ARHGAP22: variants seen among roughly 807,000 people sequenced by gnomAD.
ARHGAP22 encodes the protein Rho GTPase activating protein 22.
ARHGAP22 carries 48 observed loss-of-function variants against 59.1 expected under a neutral mutation model. The ratio of observed to expected loss-of-function variants is 0.81; its 90% CI spans 0.64 to 1.03. The LOEUF is 1.03. Among genes scored for constraint, ARHGAP22 ranks in the 50% least tolerant of loss-of-function variants. The pLI, the probability that ARHGAP22 is intolerant of heterozygous loss-of-function variation, is 0.00. For synonymous variants in ARHGAP22, 445 were observed against 416.4 expected (o/e 1.07, Z -0.84); for missense variants, 1,015 against 958.7 (o/e 1.06, Z -0.78).
intron 1 of ARHGAP22, among the ~76,000 whole-genome samples, chr10:48,621,759 GTTA>G (rs746134464): frequency 6.6e-6 from 1 of 152,200 alleles, no homozygotes; most frequent in Non-Finnish European, 1.5e-5. Context: ...GAAATTTCCA[GTTA>G]TTATTGTTGC....
At chr10:48,472,149 G>A (rs1232540943) in intron 4 of ARHGAP22, among the ~76,000 whole-genome samples, 4 of 151,956 alleles carry the variant, frequency 2.6e-5, no homozygotes, top group South Asian at 2.1e-4. Context: ...AAGAGGTTGC[G>A]TTGAGCCCAG....
intron 3 of ARHGAP22, among the ~76,000 whole-genome samples, chr10:48,531,201 C>T (rs2054811527): frequency 6.6e-6 from 1 of 152,140 alleles, no homozygotes; most frequent in Non-Finnish European, 1.5e-5. Context: ...TGTTCTCACT[C>T]ATAATTGGGA....
Position 48,497,953 on chromosome 10 carries a change from G to A in ARHGAP22, c.323-18189C>T, listed in dbSNP as rs550228124. ...AGGGCAGAATATCAGGAGGGGAGGC[G>A]ATAGACTGAGAGCAGCAGAAACTTC... On this transcript the variant is annotated intron_variant, in intron 3 of 9. Transcript: ENST00000249601. Among the ~76,000 whole-genome samples the A allele has an allele frequency of 4.4e-4, 67 of 152,270 alleles. 1 individual carries two copies. Among genetic ancestry groups the A allele is most frequent in the East Asian group, 1.4e-3 (7 of 5,184 alleles).
intron 2 of ARHGAP22, among the ~76,000 whole-genome samples, chr10:48,563,728 C>T (rs1299731793): frequency 6.6e-6 from 1 of 152,116 alleles, no homozygotes; most frequent in East Asian, 1.9e-4. Context: ...ATACAGATCA[C>T]ATATATTTGA....
intron 1 of ARHGAP22, among the ~76,000 whole-genome samples, chr10:48,619,563 C>A (rs1261289999): frequency 2.0e-5 from 3 of 152,136 alleles, no homozygotes; most frequent in Non-Finnish European, 2.9e-5. Context: ...TGATTTTTGA[C>A]AAAGGCACAA....
At chr10:48,533,984 C>T (rs1410466998) in intron 3 of ARHGAP22, among the ~76,000 whole-genome samples, 6 of 152,190 alleles carry the variant, frequency 3.9e-5, no homozygotes, top group African/African-American at 4.8e-5. Context: ...AGGAGAGGGC[C>T]GTGCCCAGGA....
At chr10:48,566,874 T>C (rs7068812) in intron 2 of ARHGAP22, among the ~76,000 whole-genome samples, 58,663 of 151,958 alleles carry the variant, frequency 0.39, 12,746 homozygotes, top group East Asian at 0.89. Flanking sequence ...AGCTCTTACT[T>C]TCAGTGTTGC....
At chr10:48,430,088 GT>G in the ARHGAP22 span, 1 of 152,150 alleles carries the variant, frequency 6.6e-6, no homozygotes, top group East Asian at 1.9e-4. Context: ...AAGGTTTTTT[GT>G]TTGTTTTTGT....
chr10:48,637,435 G>A (rs1448452290), intron 1 of ARHGAP22, among the ~76,000 whole-genome samples: 2 of 151,154 alleles, frequency 1.3e-5, no homozygotes, highest in Non-Finnish European at 3.0e-5. Context: ...GGATGGACGG[G>A]TGGGTGAATG....
intron 3 of ARHGAP22, among the ~76,000 whole-genome samples, chr10:48,505,622 A>G (rs12220948): frequency 0.22 from 33,802 of 151,982 alleles, 6,394 homozygotes; most frequent in East Asian, 0.59. Context: ...TTGGGGCAGG[A>G]CCTGGCTGGC....
At chr10:48,590,660 C>T (rs139151484) in intron 1 of ARHGAP22, among the ~76,000 whole-genome samples, 37 of 152,312 alleles carry the variant, frequency 2.4e-4, no homozygotes, top group Non-Finnish European at 4.6e-4. Flanking sequence ...CTACAGGTCG[C>T]GCTGTGCCGG....
At chr10:48,581,228 C>CA (rs761757873) in intron 2 of ARHGAP22, among the ~76,000 whole-genome samples, 8 of 152,170 alleles carry the variant, frequency 5.3e-5, no homozygotes, top group Non-Finnish European at 1.0e-4. Context: ...TAAATAAGTC[C>CA]AAATCCTTCA....
chr10:48,652,513 G>C, exon 1 of ARHGAP22: 1 of 573,314 alleles, frequency 1.7e-6, no homozygotes, highest in Middle Eastern at 4.6e-4. Flanking sequence ...AGGGATCTTG[G>C]AATGGCCTTG....
In ARHGAP22 at chr10:48,648,522, A is replaced by G. The variant is rs1488033990; in HGVS notation, c.52+3712T>C. ...CAGCATCAGCCTGGGTCTTTAAGTC[A>G]CTATGATTAACAGGGCAGGATCCAC... is the stretch of plus-strand genomic sequence containing the variant. On this transcript the variant is annotated intron_variant, in intron 1 of 9. Coordinates refer to the ARHGAP22 transcript ENST00000435790. 2.0e-5 allele frequency among the ~76,000 whole-genome samples: 3 copies of G among 152,184 alleles called. No homozygotes were observed. In the East Asian group the frequency reaches 5.8e-4, roughly 29 times the overall value.
intron 2 of ARHGAP22, among the ~76,000 whole-genome samples, chr10:48,556,058 CAG>C (rs1437610646): frequency 1.3e-5 from 2 of 152,174 alleles, no homozygotes; most frequent in Non-Finnish European, 2.9e-5. Context: ...TACCCCACTA[CAG>C]AGAGTGCCAG....
intron 2 of ARHGAP22, among the ~76,000 whole-genome samples, chr10:48,577,669 C>T (rs187968505): frequency 1.3e-5 from 2 of 149,446 alleles, no homozygotes; most frequent in African/African-American, 2.5e-5. Flanking sequence ...GGGCCAGAGT[C>T]CCCATTATAA....
intron 3 of ARHGAP22, among the ~76,000 whole-genome samples, chr10:48,525,370 T>G (rs2054235141): frequency 6.6e-6 from 1 of 152,174 alleles, no homozygotes; most frequent in Non-Finnish European, 1.5e-5. Context: ...CCCAGGAGTT[T>G]GAGACCTGCC....
intron 2 of ARHGAP22, among the ~76,000 whole-genome samples, chr10:48,576,514 C>A (rs1445645836): frequency 6.6e-6 from 1 of 152,240 alleles, no homozygotes; most frequent in African/African-American, 2.4e-5. Context: ...GACCCTGTTA[C>A]CAACTCACTC....
intron 4 of ARHGAP22, among the ~76,000 whole-genome samples, chr10:48,475,194 C>T (rs1038989411): frequency 6.6e-6 from 1 of 152,210 alleles, no homozygotes; most frequent in African/African-American, 2.4e-5. Flanking sequence ...GATCTATCAG[C>T]AGCACTTGGC....
Sources: allele counts gnomAD v4.1 joint callset (sites outside exome capture counted in the v4.1 genomes callset), GRCh38; gene constraint gnomAD v4.1.1; transcripts MANE v1.5; gene names NCBI Gene and HGNC (gene_info 2026-07-23, HGNC 2026-07-21).